The following COX7B variants were observed in gnomAD, a reference collection of about 807,000 sequenced individuals.
COX7B encodes the protein cytochrome c oxidase subunit 7B, also known as cytochrome c oxidase subunit 7B, mitochondrial.
COX7B carries 2 observed loss-of-function variants against 7.9 expected under a neutral mutation model. The observed-to-expected ratio is 0.25, with a 90% CI of 0.10 to 0.79. COX7B has a LOEUF of 0.79. COX7B is among the 30% of genes least tolerant of loss of function. COX7B has a pLI of 0.69. For synonymous variants in COX7B, 19 were observed against 21.1 expected, an observed-to-expected ratio of 0.90 and a Z score of 0.27; for missense variants, 54 against 62.7, an observed-to-expected ratio of 0.86 and a Z score of 0.47.
At chrX:77,901,515 G>A (rs1361485292) in intron 1 of COX7B, among the ~76,000 whole-genome samples, 2 of 109,061 alleles carry the variant, frequency 1.8e-5, no homozygotes, top group Non-Finnish European at 3.8e-5. Context: ...CTCCTTTTTA[G>A]TTCTTCCAGG....
chrX:77,901,529 C>T (rs2077119966), intron 1 of COX7B, among the ~76,000 whole-genome samples: 1 of 110,018 alleles, frequency 9.1e-6, no homozygotes, highest in Admixed American at 9.8e-5. Flanking sequence ...TTCCAGGGGC[C>T]GTTTGAAAAC....
intron 2 of COX7B, among the ~76,000 whole-genome samples, 180 bp from the exon 3 acceptor site, chrX:77,905,004 A>T (rs1018944483): frequency 2.7e-5 from 3 of 112,286 alleles, no homozygotes; most frequent in Non-Finnish European, 5.6e-5. Context: ...GAACAACAGG[A>T]CTGCTCTAGA....
chrX:77,899,480 A>C lies in COX7B; in HGVS notation c.-74A>C. 1 of 1,104,668 alleles carries C rather than the reference A, an allele frequency of 9.1e-7. No individual in the cohort carries two copies. The highest frequency in any genetic ancestry group is 1.2e-6 in the Non-Finnish European group (1 of 802,922). 91.0% of individuals were successfully genotyped at this position (1,104,668 alleles called of 1,213,427 possible). The stretch of plus-strand genomic sequence containing the variant: ...TGAAAGCCATTTTGTTTTTCAGCTC[A>C]CTTCAAGGGTACCTGAAGCGAATTG... On this transcript the variant is annotated 5_prime_UTR_variant, in exon 1 of 3. Transcript: ENST00000650309.
In COX7B at chrX:77,899,537, C is replaced by A. The variant is rs781788728; in HGVS notation, c.-17C>A. The A allele has an allele frequency of 2.5e-6, 3 of 1,211,162 alleles. No individual in the cohort carries two copies. The African/African-American group carries it at 5.2e-5, about 21-fold the overall frequency. ...AAGCAGCAGCTGTATTGCCGCAGTT[C>A]TAGCTTCACCTTCACGATGTTTCCC... On this transcript the variant is annotated 5_prime_UTR_variant, in exon 1 of 3. Transcript: ENST00000650309.
At chrX:77,902,522 C>T in intron 1 of COX7B, 121 bp from the exon 2 acceptor site, 1 of 677,293 alleles carries the variant, frequency 1.5e-6, no homozygotes, top group Admixed American at 3.6e-5. Flanking sequence ...TTTTATTGAA[C>T]TACATAATAC....
rs1472995139 is a variant in COX7B, at chrX:77,899,504, T to C, written c.-50T>C. On this transcript the variant is annotated 5_prime_UTR_variant, in exon 1 of 3. Coordinates refer to ENST00000650309, the MANE Select transcript of COX7B (RefSeq NM_001866.3). Reference sequence around the variant, plus strand: ...CACTTCAAGGGTACCTGAAGCGAATTGGCACCAAAGCAGCAGCTGTATTGC... The same window carrying C: ...CACTTCAAGGGTACCTGAAGCGAATCGGCACCAAAGCAGCAGCTGTATTGC... 8.3e-7 allele frequency: 1 copy of C among 1,199,479 alleles called. No individual in the cohort carries two copies. The highest frequency in any genetic ancestry group is 3.0e-5 in the East Asian group (1 of 33,802).
Position 77,902,715 on chromosome X carries a change from G to T in COX7B, c.113G>T (p.Gly38Val). The change falls in exon 2 of 3, where the codon GGT becomes GTT. Residue 38 changes from glycine (G) to valine (V), a missense_variant. By Grantham distance (109) the Gly-to-Val change is moderately radical. Coordinates refer to ENST00000650309, the MANE Select transcript of COX7B (RefSeq NM_001866.3). ...ACACCTGATTTTCATGACAAATACG[G>T]TAATGCTGTATTAGCTAGTGGAGCC... ...KRTPDFHDKY[G>V]NAVLASGATF... The T allele has an allele frequency of 8.3e-7, 1 of 1,206,254 alleles. No individual in the cohort carries two copies. Among genetic ancestry groups the T allele is most frequent in the Middle Eastern group, 2.9e-4 (1 of 3,503 alleles).
chrX:77,905,274 G>T lies in COX7B; in HGVS notation c.*13G>T, dbSNP rs781863218. 1.7e-6 allele frequency: 2 copies of T among 1,171,394 alleles called. No homozygotes were observed. Among genetic ancestry groups the T allele is most frequent in the Non-Finnish European group, 2.3e-6 (2 of 860,659 alleles). On this transcript the variant is annotated 3_prime_UTR_variant, in exon 3 of 3. Coordinates refer to ENST00000650309, the MANE Select transcript of COX7B (RefSeq NM_001866.3). ...GAGGAATCAGTAATCATCCCAGCTG[G>T]TGTAATAATGAATTGTTTAAAAAAC...
intron 2 of COX7B, among the ~76,000 whole-genome samples, chrX:77,903,555 A>G (rs1487900589): frequency 9.0e-6 from 1 of 110,993 alleles, no homozygotes; most frequent in Non-Finnish European, 1.9e-5. Flanking sequence ...TATGCTACCC[A>G]TTGTTCATTG....
intron 1 of COX7B, among the ~76,000 whole-genome samples, chrX:77,900,496 G>A (rs969540801): frequency 2.3e-4 from 26 of 112,537 alleles, no homozygotes; most frequent in Admixed American, 1.8e-3. Context: ...AGATTGAGGA[G>A]AACAAATTAA....
chrX:77,904,708 A>G (rs2077129687), intron 2 of COX7B, among the ~76,000 whole-genome samples: 1 of 111,471 alleles, frequency 9.0e-6, no homozygotes, highest in Admixed American at 9.6e-5. Context: ...CAGATGTTGA[A>G]CAAATGTTTG....
In COX7B at chrX:77,899,578, C is replaced by G. The variant is rs1557220469; in HGVS notation, c.25C>G (p.Leu9Val). ...GATGTTTCCCTTGGTCAAAAGCGCA[C>G]TAAATCGTCTCCAAGGTGAGCAAAA... Reference protein sequence around the residue: MFPLVKSALNRLQVRSIQQ... With the variant: MFPLVKSAVNRLQVRSIQQ... The change falls in exon 1 of 3, where the codon CTA becomes GTA. Residue 9 changes from leucine (L) to valine (V), a missense_variant. By Grantham distance (32) the Leu-to-Val change is conservative (BLOSUM62 1). Coordinates refer to ENST00000650309, the MANE Select transcript of COX7B (RefSeq NM_001866.3). 2 of 1,211,121 alleles carry G rather than the reference C, an allele frequency of 1.7e-6. No individual in the cohort carries two copies. Among genetic ancestry groups the G allele is most frequent in the South Asian group, 3.5e-5 (2 of 56,881 alleles).
At chrX:77,901,116 G>A (rs952788302) in intron 1 of COX7B, among the ~76,000 whole-genome samples, 1 of 111,538 alleles carries the variant, frequency 9.0e-6, no homozygotes, top group African/African-American at 3.3e-5. Flanking sequence ...ATCCCGGTGT[G>A]ACTAAAAGAT....
chrX:77,904,168 G>A (rs1557220896), intron 2 of COX7B, among the ~76,000 whole-genome samples: 1 of 106,321 alleles, frequency 9.4e-6, no homozygotes, highest in African/African-American at 3.4e-5. Context: ...TCCTGACCTC[G>A]TGATCCACCC....
chrX:77,905,325 G>A lies in COX7B; in HGVS notation c.*64G>A. On this transcript the variant is annotated 3_prime_UTR_variant, in exon 3 of 3. Coordinates refer to ENST00000650309, the MANE Select transcript of COX7B (RefSeq NM_001866.3). ...AGCTCATAATTGATGCCAAATTAAA[G>A]CACTGTGTACCCATTAAGATATGGC... The A allele has an allele frequency of 1.2e-6, 1 of 851,957 alleles. No individual in the cohort carries two copies. The highest frequency in any genetic ancestry group is 2.0e-5 in the South Asian group (1 of 48,931). The allele number at this position is 851,957 out of a possible 1,213,427, so 70.2% of individuals were successfully genotyped here.
Position 77,899,482 on chromosome X carries a change from T to G in COX7B, c.-72T>G, listed in dbSNP as rs1328857950. 1 of 1,144,278 alleles carries G rather than the reference T, an allele frequency of 8.7e-7. No individual in the cohort carries two copies. The highest frequency in any genetic ancestry group is 1.8e-5 in the African/African-American group (1 of 55,887). 94.3% of individuals were successfully genotyped at this position (1,144,278 alleles called of 1,213,427 possible). On this transcript the variant is annotated 5_prime_UTR_variant, in exon 1 of 3. Coordinates refer to ENST00000650309, the MANE Select transcript of COX7B (RefSeq NM_001866.3). ...AAAGCCATTTTGTTTTTCAGCTCAC[T>G]TCAAGGGTACCTGAAGCGAATTGGC...
At chrX:77,902,325 A>G (rs2077122515) in intron 1 of COX7B, among the ~76,000 whole-genome samples, 2 of 112,030 alleles carry the variant, frequency 1.8e-5, no homozygotes. Flanking sequence ...CCCCAACACT[A>G]TTATGAAAAC....
chrX:77,902,075 G>A (rs934488793), intron 1 of COX7B, among the ~76,000 whole-genome samples: 1 of 111,524 alleles, frequency 9.0e-6, no homozygotes, highest in Non-Finnish European at 1.9e-5. Context: ...TAGTTGTGGC[G>A]AGTTTTTTTG....
At position 77,906,710 on chromosome X, in the gene COX7B, C is replaced by G. The variant is rs1364848484; in HGVS notation, c.*1449C>G. 4 of 111,560 alleles carry G rather than the reference C, an allele frequency of 3.6e-5. No homozygotes were observed. The highest frequency in any genetic ancestry group is 1.3e-4 in the African/African-American group (4 of 30,692). 9.2% of individuals were successfully genotyped at this position (111,560 alleles called of 1,213,427 possible). A position where few individuals can be genotyped will look rare whatever the true frequency, so the allele number is the denominator to read the frequency against. On this transcript the variant is annotated 3_prime_UTR_variant, in exon 3 of 3. Coordinates refer to ENST00000650309, the MANE Select transcript of COX7B (RefSeq NM_001866.3). ...TGGTGTGATCTTGACACACTGCAACCTTTGCCTCCCGGATTCAAGTGATTC... is the reference window on the plus strand; with the variant it reads ...TGGTGTGATCTTGACACACTGCAACGTTTGCCTCCCGGATTCAAGTGATTC...
Sources: allele counts gnomAD v4.1 joint callset (sites outside exome capture counted in the v4.1 genomes callset), GRCh38; gene constraint gnomAD v4.1.1; transcripts MANE v1.5; gene names NCBI Gene and HGNC (gene_info 2026-07-23, HGNC 2026-07-21).